Variants in IL7R observed in about 807,000 individuals in gnomAD.
IL7R encodes the protein interleukin-7 receptor subunit alpha.
A neutral mutation model predicts 47.0 loss-of-function variants in IL7R; 38 were observed. The ratio of observed to expected loss-of-function variants is 0.81; its 90% CI spans 0.62 to 1.06. IL7R has a LOEUF of 1.06. Ranked by LOEUF, IL7R falls within the 50% of genes least tolerant of loss-of-function variation. The probability of loss-of-function intolerance (pLI) is 0.00; values close to 1 mark genes in which losing one functional copy is unlikely to be tolerated. For synonymous variants in IL7R, 221 were observed against 199.8 expected (o/e 1.11, Z -0.89); for missense variants, 633 against 534.8 (o/e 1.18, Z -1.81).
At chr5:35,868,137 C>A (rs1759984254) in intron 3 of IL7R, among the ~76,000 whole-genome samples, 1 of 152,164 alleles carries the variant, frequency 6.6e-6, no homozygotes, top group Non-Finnish European at 1.5e-5. Context: ...GACAGACTTG[C>A]TTCTTCTTCA....
At chr5:35,868,993 C>T (rs767564600) in intron 3 of IL7R, among the ~76,000 whole-genome samples, 20 of 152,122 alleles carry the variant, frequency 1.3e-4, no homozygotes, top group Non-Finnish European at 2.5e-4. Flanking sequence ...GGCATAGGCC[C>T]CTTTGGAAGG....
rs762007749 is a variant in IL7R at position 35,875,498 on chromosome 5, T to C, written c.801-14T>C. 6.3e-6 allele frequency: 10 copies of C among 1,586,076 alleles called. No homozygotes were observed. The South Asian group carries it at 9.9e-5, about 16-fold the overall frequency. Reference sequence around the variant, plus strand: ...CTGCCATTCACTTCATCTATCAATGTTCTCTGATTTCAGGATTAAGCCTAT... The same window carrying C: ...CTGCCATTCACTTCATCTATCAATGCTCTCTGATTTCAGGATTAAGCCTAT... On this transcript the variant is annotated splice_polypyrimidine_tract_variant and intron_variant, in intron 6 of 7. Transcript: ENST00000303115.
At chr5:35,874,384 C>T in intron 5 of IL7R, 65 bp from the exon 6 acceptor site, 5 of 1,066,642 alleles carry the variant, frequency 4.7e-6, no homozygotes, top group Non-Finnish European at 7.4e-6. Flanking sequence ...ATGCAAAGCA[C>T]CCTGAGACCC....
At chr5:35,863,100 G>GACAC (rs150100094) in intron 2 of IL7R, among the ~76,000 whole-genome samples, 1 of 151,798 alleles carries the variant, frequency 6.6e-6, no homozygotes, top group Non-Finnish European at 1.5e-5. Context: ...GTAACTTTGA[G>GACAC]ACACACACAC....
At chr5:35,860,759 C>A in intron 1 of IL7R, 93 bp from the exon 2 acceptor site, 2 of 1,230,816 alleles carry the variant, frequency 1.6e-6, no homozygotes, top group Admixed American at 1.7e-5. Flanking sequence ...TTCATGTCTG[C>A]CACAGAGTCT....
intron 5 of IL7R, 116 bp downstream of exon 5, chr5:35,873,764 G>A: frequency 1.1e-6 from 1 of 926,686 alleles, no homozygotes; most frequent in South Asian, 1.3e-5. Context: ...CCCTTGGAGG[G>A]CACTCTTACA....
chr5:35,869,497 G>T lies in IL7R; in HGVS notation c.380-1559G>T, dbSNP rs11567773. On this transcript the variant is annotated intron_variant, in intron 3 of 7. Transcript: ENST00000303115. ...AGTGAGCCTCAGAATCAAAGAACTGGATTTGGATCCCTTTAAACCATTTTA... is the reference window on the plus strand; with the variant it reads ...AGTGAGCCTCAGAATCAAAGAACTGTATTTGGATCCCTTTAAACCATTTTA... Among the ~76,000 whole-genome samples the T allele has an allele frequency of 1.8e-3, 270 of 152,260 alleles. 1 individual carries two copies. Among genetic ancestry groups the T allele is most frequent in the Non-Finnish European group, 3.2e-3 (217 of 68,036 alleles).
intron 2 of IL7R, among the ~76,000 whole-genome samples, chr5:35,862,925 T>A (rs1759854077): frequency 6.6e-6 from 1 of 152,168 alleles, no homozygotes; most frequent in Non-Finnish European, 1.5e-5. Flanking sequence ...CTATATTTAT[T>A]TATCAAATCG....
intron 2 of IL7R, among the ~76,000 whole-genome samples, chr5:35,866,630 T>A (rs1000047499): frequency 6.6e-6 from 1 of 152,186 alleles, no homozygotes; most frequent in Non-Finnish European, 1.5e-5. Context: ...TCAGATTTAC[T>A]AATTTGTGTT....
rs1760197039 is a variant in IL7R at position 35,876,018 on chromosome 5, G to A, written c.912G>A (p.Leu304=). 6.2e-7 allele frequency: 1 copy of A among 1,613,854 alleles called. No individual in the cohort carries two copies. Among genetic ancestry groups the A allele is most frequent in the Non-Finnish European group, 8.5e-7 (1 of 1,180,006 alleles). Residue 304 remains leucine (L), a synonymous_variant, in exon 8 of 8, where the codon CTG becomes CTA. Transcript: ENST00000303115. ...TGAGTTTCAATCCTGAAAGTTTCCT[G>A]GACTGCCAGATTCATAGGGTGGATG... ...LNVSFNPESF[L]DCQIHRVDDI...
intron 2 of IL7R, among the ~76,000 whole-genome samples, chr5:35,866,649 C>A (rs1759947838): frequency 6.6e-6 from 1 of 152,074 alleles, no homozygotes; most frequent in Admixed American, 6.6e-5. Flanking sequence ...TTTATAAAAA[C>A]ATTTTCATTA....
intron 1 of IL7R, 64 bp from the exon 2 acceptor site, chr5:35,860,788 T>G: frequency 6.7e-7 from 1 of 1,490,576 alleles, no homozygotes; most frequent in East Asian, 2.3e-5. Flanking sequence ...ATTAAGGTCA[T>G]GCCATATTTC....
Position 35,867,296 on chromosome 5 carries a change from A to G in IL7R, c.222-10A>G. On this transcript the variant is annotated splice_polypyrimidine_tract_variant and intron_variant, in intron 2 of 7. Coordinates refer to ENST00000303115, the MANE Select transcript of IL7R (RefSeq NM_002185.5). ...CTGAATCAAGACATATCCCCTTTTTATTCCTACAGTGGGGCCCTCGTGGAG... is the reference window on the plus strand; with the variant it reads ...CTGAATCAAGACATATCCCCTTTTTGTTCCTACAGTGGGGCCCTCGTGGAG... 6.2e-7 allele frequency: 1 copy of G among 1,612,764 alleles called. No homozygotes were observed. Among genetic ancestry groups the G allele is most frequent in the Non-Finnish European group, 8.5e-7 (1 of 1,178,846 alleles).
chr5:35,878,219 A>C lies in IL7R; in HGVS notation c.*1733A>C. 4.3e-6 allele frequency: 1 copy of C among 233,256 alleles called. No homozygotes were observed. The highest frequency in any genetic ancestry group is 6.0e-5 in the East Asian group (1 of 16,564). The allele number at this position is 233,256 out of a possible 1,614,324, so 14.4% of individuals were successfully genotyped here. On this transcript the variant is annotated 3_prime_UTR_variant, in exon 8 of 8. Coordinates refer to ENST00000303115, the MANE Select transcript of IL7R (RefSeq NM_002185.5). ...CTCTCCTCTGCACCAGCAGTAATAA[A>C]TACAATGCCATAATCCCTTAGGTTT...
intron 2 of IL7R, among the ~76,000 whole-genome samples, chr5:35,862,171 C>A (rs1013899265): frequency 1.3e-5 from 2 of 152,122 alleles, no homozygotes; most frequent in African/African-American, 4.8e-5. Context: ...GTCAAAAGAA[C>A]CTGAACCAGT....
In IL7R at chr5:35,857,001, T is replaced by C; in HGVS notation, c.24T>C (p.Phe8=). ...GAATGACAATTCTAGGTACAACTTT[T>C]GGCATGGTTTTTTCTTTACTTCAAG... MTILGTT[F]GMVFSLLQVV... is the part of the protein sequence containing the mutation. Residue 8 remains phenylalanine, a synonymous_variant, in exon 1 of 8, where the codon TTT becomes TTC. Coordinates refer to ENST00000303115, the MANE Select transcript of IL7R (RefSeq NM_002185.5). 1 of 1,607,678 alleles carries C rather than the reference T, an allele frequency of 6.2e-7. No individual in the cohort carries two copies. Among genetic ancestry groups the C allele is most frequent in the Non-Finnish European group, 8.5e-7 (1 of 1,174,970 alleles).
chr5:35,860,085 G>A (rs1165892952), intron 1 of IL7R, among the ~76,000 whole-genome samples: 1 of 151,612 alleles, frequency 6.6e-6, no homozygotes, highest in Admixed American at 6.6e-5. Context: ...AAAAAAATCT[G>A]GTTCCCCACT....
chr5:35,859,365 A>C (rs879505170), intron 1 of IL7R, among the ~76,000 whole-genome samples: 6 of 152,208 alleles, frequency 3.9e-5, no homozygotes, highest in Non-Finnish European at 8.8e-5. Context: ...CTGCCATGTA[A>C]GGTCAGAACC....
chr5:35,874,376 G>T, intron 5 of IL7R, 73 bp from the exon 6 acceptor site: 1 of 993,076 alleles, frequency 1.0e-6, no homozygotes, highest in South Asian at 1.3e-5. Flanking sequence ...CTAAGTAAAT[G>T]CAAAGCACCC....
Sources: allele counts gnomAD v4.1 joint callset (sites outside exome capture counted in the v4.1 genomes callset), GRCh38; gene constraint gnomAD v4.1.1; transcripts MANE v1.5; gene names NCBI Gene and HGNC (gene_info 2026-07-23, HGNC 2026-07-21).